Variants in NXF1 observed in about 807,000 individuals in gnomAD.
NXF1 encodes mRNA export factor TAP.
In NXF1, 43 loss-of-function variants were observed where a neutral mutation model predicts 92.4. The ratio of observed to expected loss-of-function variants is 0.47; its 90% confidence interval spans 0.36 to 0.60. NXF1 has a LOEUF of 0.60. Among genes scored for constraint, NXF1 ranks in the 20% least tolerant of loss-of-function variants. The pLI, the probability that NXF1 is intolerant of heterozygous loss-of-function variation, is 0.00. For missense variants in NXF1, 576 were observed against 793.0 expected, an observed-to-expected ratio of 0.73 and a Z score of 3.29; for synonymous variants, 288 against 292.2, an observed-to-expected ratio of 0.99 and a Z score of 0.15.
chr11:62,801,006 C>G, intron 9 of NXF1, 88 bp downstream of exon 9: 2 of 977,844 alleles, frequency 2.0e-6, no homozygotes, highest in Non-Finnish European at 3.2e-6. Context: ...GGCCTGAGTT[C>G]TCTCTCTTGC....
At chr11:62,794,634 C>G (rs2084402460) in intron 18 of NXF1, 194 bp from the exon 19 acceptor site, 2 of 596,600 alleles carry the variant, frequency 3.4e-6, no homozygotes, top group Non-Finnish European at 5.9e-6. Flanking sequence ...AGGGTTCTCC[C>G]AACGCATGGA....
intron 13 of NXF1, chr11:62,796,806 C>T (rs1227087733): frequency 7.2e-6 from 4 of 552,218 alleles, no homozygotes; most frequent in South Asian, 4.2e-5. Flanking sequence ...CGGTGGCTCA[C>T]GCCTCTAATC....
At chr11:62,802,293 G>T (rs757752255) in intron 3 of NXF1, 33 bp from the exon 4 acceptor site, 7 of 1,572,142 alleles carry the variant, frequency 4.5e-6, no homozygotes, top group Non-Finnish European at 5.2e-6. Flanking sequence ...AGAAGGGAAT[G>T]ATAAGTAAGG....
intron 19 of NXF1, among the ~76,000 whole-genome samples, chr11:62,794,008 A>T (rs919058951): frequency 7.3e-5 from 11 of 151,472 alleles, no homozygotes; most frequent in African/African-American, 2.7e-4. Context: ...CTCCAAAAAA[A>T]AAAAATAATA....
chr11:62,792,847 A>G, intron 19 of NXF1, 146 bp from the exon 20 acceptor site: 1 of 661,536 alleles, frequency 1.5e-6, no homozygotes, highest in South Asian at 1.9e-5. Flanking sequence ...AGACATTAGT[A>G]AAAGTCCAGA....
intron 18 of NXF1, 39 bp downstream of exon 18, chr11:62,794,896 A>T: frequency 6.3e-7 from 1 of 1,590,452 alleles, no homozygotes; most frequent in Non-Finnish European, 8.6e-7. Context: ...TTGGCCATGG[A>T]TTAGGACTGG....
chr11:62,802,318 C>A, intron 3 of NXF1, 58 bp from the exon 4 acceptor site: 4 of 1,396,114 alleles, frequency 2.9e-6, no homozygotes, highest in Non-Finnish European at 4.0e-6. Flanking sequence ...ATAGCAGACC[C>A]AATACAATGC....
chr11:62,799,618 G>T, intron 10 of NXF1: 1 of 985,838 alleles, frequency 1.0e-6, no homozygotes. Context: ...CGTGCAGTGT[G>T]TGAGTGAGGG....
chr11:62,799,173 CAAAGAA>C (rs2084452632), intron 10 of NXF1: 1 of 984,788 alleles, frequency 1.0e-6, no homozygotes, highest in Non-Finnish European at 1.2e-6. Flanking sequence ...AAAGAGAAAG[CAAAGAA>C]AAAGAGAAAG....
Position 62,801,601 on chromosome 11 carries a change from G to T in NXF1, c.670C>A (p.Gln224Lys), listed in dbSNP as rs1385132069. ...AGGCCTTTGAGGTCAAGGGCTTGTT[G>T]GGAGCCATCGTATCGTTTGCTCATG... The part of the protein sequence containing the change: ...LIMSKRYDGS[Q>K]QALDLKGLRS... The change falls in exon 7 of 21, where the codon CAA becomes AAA. Residue 224 changes from glutamine (Q) to lysine (K), a missense_variant. Transcript: ENST00000294172. 2 of 1,614,028 alleles carry T rather than the reference G, an allele frequency of 1.2e-6. No individual in the cohort carries two copies. Among genetic ancestry groups the T allele is most frequent in the Non-Finnish European group, 1.7e-6 (2 of 1,180,038 alleles).
At chr11:62,803,277 C>G in intron 3 of NXF1, 142 bp downstream of exon 3, 1 of 653,244 alleles carries the variant, frequency 1.5e-6, no homozygotes, top group Non-Finnish European at 2.4e-6. Context: ...GATCACGCCA[C>G]TGTACTCCAG....
chr11:62,796,471 C>T lies in NXF1; in HGVS notation c.1275G>A (p.Gln425=), dbSNP rs1483888280. 5 of 1,614,004 alleles carry T rather than the reference C, an allele frequency of 3.1e-6. No individual in the cohort carries two copies. The highest frequency in any genetic ancestry group is 2.7e-5 in the African/African-American group (2 of 74,888). The change falls in exon 14 of 21, where the codon CAG becomes CAA. Residue 425 remains glutamine (Q), a synonymous_variant. Transcript: ENST00000294172. ...GATGTGATACTAACCGGGCAGGGTT[C>T]TGAGGAATGAAAGGAATGCTCAGGG... ...CCSLSIPFIP[Q]NPARSSLAEY... is the part of the protein sequence containing the mutation.
chr11:62,798,445 A>AAAAAAAGAAAAAG, intron 11 of NXF1, 94 bp downstream of exon 11: 2 of 1,539,876 alleles, frequency 1.3e-6, no homozygotes, highest in African/African-American at 2.8e-5. Flanking sequence ...ATAAAAAAAA[A>AAAAAAAGAAAAAG]AAAAAGAAAA....
chr11:62,800,070 G>C, intron 10 of NXF1: 2 of 1,225,572 alleles, frequency 1.6e-6, no homozygotes, highest in Non-Finnish European at 2.1e-6. Context: ...GGTTAGAGTA[G>C]AAAGGGGAGA....
In NXF1 at chr11:62,798,715, G is replaced by A. The variant is rs182572262; in HGVS notation, c.1017-140C>T. The A allele has an allele frequency of 4.9e-4, 713 of 1,467,228 alleles. 4 individuals carry two copies. Among genetic ancestry groups the A allele is most frequent in the Non-Finnish European group, 4.0e-5 (45 of 1,114,730 alleles). The allele number at this position is 1,467,228 out of a possible 1,614,324, so 90.9% of individuals were successfully genotyped here. On this transcript the variant is annotated intron_variant, in intron 10 of 20. Transcript: ENST00000294172. ...TCCACTCCCTCCCAGCCTGTGCTCA[G>A]GGAAAAATGGCCCCCACTCCCCACC...
chr11:62,795,996 C>A, intron 16 of NXF1, 53 bp from the exon 17 acceptor site: 8 of 1,595,770 alleles, frequency 5.0e-6, no homozygotes, highest in Non-Finnish European at 5.1e-6. Flanking sequence ...GCCTGAGTGC[C>A]CCCCCTTGCC....
At chr11:62,799,638 G>A (rs925695377) in intron 10 of NXF1, 7 of 985,536 alleles carry the variant, frequency 7.1e-6, no homozygotes, top group African/African-American at 5.2e-5. Context: ...GAGAGGCAGC[G>A]CCCCCGAGGG....
intron 2 of NXF1, 43 bp downstream of exon 2, chr11:62,803,749 C>G (rs756563433): frequency 3.8e-6 from 6 of 1,594,342 alleles, no homozygotes; most frequent in Non-Finnish European, 5.1e-6. Flanking sequence ...GCCATATAAT[C>G]TCATGAGCCA....
intron 13 of NXF1, among the ~76,000 whole-genome samples, chr11:62,796,788 G>A (rs2084424703): frequency 1.3e-5 from 2 of 152,000 alleles, no homozygotes; most frequent in Admixed American, 1.3e-4. Flanking sequence ...AAAAAAAATG[G>A]CTAGGTGCGG....
Sources: gnomAD v4.1 joint callset for allele counts (sites outside exome capture counted in the v4.1 genomes callset) on GRCh38, gnomAD v4.1.1 for gene constraint, MANE v1.5 for transcripts, NCBI Gene and HGNC (gene_info 2026-07-23, HGNC 2026-07-21) for gene names.